CNTNAP2: variants seen among roughly 807,000 people sequenced by gnomAD.
CNTNAP2 encodes the protein contactin-associated protein-like 2.
Under a neutral mutation model 155.2 loss-of-function variants are expected in CNTNAP2, and 98 were observed. The ratio of observed to expected loss-of-function variants is 0.63; its 90% confidence interval spans 0.54 to 0.75. CNTNAP2 has a LOEUF of 0.75. Among genes scored for constraint, CNTNAP2 ranks in the 30% least tolerant of loss-of-function variants. CNTNAP2 has a pLI of 0.00. For missense variants in CNTNAP2, 1,727 were observed against 1,688.1 expected (o/e 1.02, Z -0.40); for synonymous variants, 651 against 631.2 (o/e 1.03, Z -0.47).
At chr7:147,328,346 C>CTGTGAA (rs1291062651) in intron 9 of CNTNAP2, among the ~76,000 whole-genome samples, 1 of 152,166 alleles carries the variant, frequency 6.6e-6, no homozygotes, top group Admixed American at 6.5e-5. Context: ...ATCATACATT[C>CTGTGAA]TGTGAATTCA....
intron 20 of CNTNAP2, among the ~76,000 whole-genome samples, chr7:148,244,829 C>T (rs1796226255): frequency 6.6e-6 from 1 of 151,808 alleles, no homozygotes; most frequent in South Asian, 2.1e-4. Context: ...TCCCAAAGTG[C>T]AGGGGTTACA....
chr7:146,298,739 C>T (rs2129087923), intron 1 of CNTNAP2, among the ~76,000 whole-genome samples: 1 of 152,316 alleles, frequency 6.6e-6, no homozygotes, highest in Non-Finnish European at 1.5e-5. Flanking sequence ...GATTACAGTT[C>T]TGCTCTTGGA....
chr7:148,201,522 G>A (rs1038394619), intron 18 of CNTNAP2, among the ~76,000 whole-genome samples: 5 of 152,138 alleles, frequency 3.3e-5, no homozygotes, highest in Admixed American at 6.5e-5. Flanking sequence ...AAAAAAACGT[G>A]ACTGAATTTA....
At position 148,078,996 on chromosome 7, in the gene CNTNAP2, G is replaced by A. The variant is rs571947532; in HGVS notation, c.2384-39122G>A. Among the ~76,000 whole-genome samples the A allele has an allele frequency of 2.0e-5, 3 of 152,308 alleles. No homozygotes were observed. In the East Asian group the frequency reaches 5.8e-4, roughly 29 times the overall value. ...AAATGGGCACATTTTTCTAGTGATTGAATGGTGGTGTCTACATCTTGAATA... is the reference window on the plus strand; with the variant it reads ...AAATGGGCACATTTTTCTAGTGATTAAATGGTGGTGTCTACATCTTGAATA... On this transcript the variant is annotated intron_variant, in intron 15 of 23. Transcript: ENST00000361727.
intron 9 of CNTNAP2, among the ~76,000 whole-genome samples, chr7:147,348,538 T>C (rs1228119887): frequency 6.6e-6 from 1 of 152,052 alleles, no homozygotes; most frequent in Non-Finnish European, 1.5e-5. Context: ...TCTTATATGC[T>C]ATTGGTAGGA....
chr7:146,666,205 T>G (rs1301806690), intron 1 of CNTNAP2, among the ~76,000 whole-genome samples: 1 of 152,072 alleles, frequency 6.6e-6, no homozygotes, highest in Admixed American at 6.6e-5. Context: ...TTTTATGAGG[T>G]CGGCTATTTT....
intron 15 of CNTNAP2, among the ~76,000 whole-genome samples, chr7:148,080,826 G>C (rs1420349467): frequency 6.6e-6 from 1 of 152,120 alleles, no homozygotes. Flanking sequence ...GTCAACATAC[G>C]TGGGGATCTT....
chr7:148,119,458 C>A (rs1804554368), intron 16 of CNTNAP2, among the ~76,000 whole-genome samples: 2 of 152,100 alleles, frequency 1.3e-5, no homozygotes, highest in Admixed American at 6.5e-5. Flanking sequence ...CGTAAGTAAA[C>A]CCGGGAGGCG....
intron 1 of CNTNAP2, among the ~76,000 whole-genome samples, chr7:146,463,741 CTT>C (rs1240421130): frequency 6.6e-6 from 1 of 151,340 alleles, no homozygotes; most frequent in Non-Finnish European, 1.5e-5. Context: ...TATAGAGTAA[CTT>C]AAAATATTTT....
At chr7:147,639,023 A>C in intron 12 of CNTNAP2, 83 bp from the exon 13 acceptor site, 5 of 1,363,824 alleles carry the variant, frequency 3.7e-6, no homozygotes, top group Non-Finnish European at 5.3e-6. Context: ...AGACCATTTA[A>C]GTGTGGCTCA....
chr7:148,213,749 C>T (rs1795588856), intron 18 of CNTNAP2, among the ~76,000 whole-genome samples: 1 of 152,154 alleles, frequency 6.6e-6, no homozygotes, highest in Non-Finnish European at 1.5e-5. Flanking sequence ...CTGACTCCTC[C>T]TCCCTCCCCT....
intron 3 of CNTNAP2, among the ~76,000 whole-genome samples, chr7:146,843,304 G>A (rs957647542): frequency 2.7e-5 from 4 of 150,372 alleles, no homozygotes; most frequent in East Asian, 3.9e-4. Flanking sequence ...GAGCCACCGC[G>A]CCCGGCCCTG....
At chr7:147,863,237 C>G (rs369308529) in intron 13 of CNTNAP2, among the ~76,000 whole-genome samples, 1 of 152,038 alleles carries the variant, frequency 6.6e-6, no homozygotes, top group East Asian at 1.9e-4. Flanking sequence ...AGCTTCTCCA[C>G]GGCCCTGCAA....
Position 148,281,675 on chromosome 7 carries a change from T to G in CNTNAP2, c.3475+14549T>G, listed in dbSNP as rs574442010. 8.5e-5 allele frequency among the ~76,000 whole-genome samples: 13 copies of G among 152,286 alleles called. No individual in the cohort carries two copies. In the South Asian group the frequency reaches 2.7e-3, roughly 32 times the overall value. ...TTTTAATTGCATTGACTTTCATTCT[T>G]AGACATTTATTGGGCTTTATTATTA... On this transcript the variant is annotated intron_variant, in intron 21 of 23. Transcript: ENST00000361727.
chr7:148,080,537 A>G (rs1803576558), intron 15 of CNTNAP2, among the ~76,000 whole-genome samples: 1 of 150,372 alleles, frequency 6.7e-6, no homozygotes, highest in African/African-American at 2.5e-5. Context: ...CCTGGGAGAC[A>G]GAGCTTGCAG....
chr7:147,268,426 C>G (rs143320477), intron 8 of CNTNAP2, among the ~76,000 whole-genome samples: 7 of 152,264 alleles, frequency 4.6e-5, no homozygotes, highest in African/African-American at 7.2e-5. Flanking sequence ...GAAGGAAACA[C>G]CACGTGTTCT....
intron 9 of CNTNAP2, among the ~76,000 whole-genome samples, chr7:147,350,719 C>A (rs1228289126): frequency 6.6e-6 from 1 of 151,748 alleles, no homozygotes; most frequent in African/African-American, 2.4e-5. Flanking sequence ...CAATATACTG[C>A]AGACATCAGA....
At chr7:147,308,764 C>T (rs11981256) in intron 9 of CNTNAP2, among the ~76,000 whole-genome samples, 350 of 152,280 alleles carry the variant, frequency 2.3e-3, no homozygotes, top group African/African-American at 7.7e-3. Context: ...AAATTCCCAG[C>T]GTCCTGTCTC....
At chr7:146,564,209 GT>G (rs1798323100) in intron 1 of CNTNAP2, among the ~76,000 whole-genome samples, 1 of 152,110 alleles carries the variant, frequency 6.6e-6, no homozygotes, top group African/African-American at 2.4e-5. Context: ...ATGGACAAAA[GT>G]AGGGGCTAAT....
Sources: allele counts gnomAD v4.1 joint callset (sites outside exome capture counted in the v4.1 genomes callset), GRCh38; gene constraint gnomAD v4.1.1; transcripts MANE v1.5; gene names NCBI Gene and HGNC (gene_info 2026-07-23, HGNC 2026-07-21).